CAVIN3: variants seen among roughly 807,000 people sequenced by gnomAD.
The protein encoded by CAVIN3 is caveolae-associated protein 3.
A neutral mutation model predicts 8.2 loss-of-function variants in CAVIN3; 11 were observed. The observed-to-expected ratio is 1.35, with a 90% CI of 0.85 to 2.23. The LOEUF (loss-of-function observed/expected upper bound fraction) is 2.23. CAVIN3 is among the 30% of genes most tolerant of loss of function. The pLI is 0.00. For synonymous variants in CAVIN3, 191 were observed against 166.3 expected (o/e 1.15, Z -1.14); for missense variants, 401 against 359.5 (o/e 1.12, Z -0.93).
intron 1 of CAVIN3, 138 bp from the exon 2 acceptor site, chr11:6,319,702 G>C (rs1314866349): frequency 2.6e-6 from 3 of 1,138,970 alleles, no homozygotes; most frequent in Non-Finnish European, 3.8e-6. Flanking sequence ...GGGAAGGTAA[G>C]GGGAGGGAAA....
intron 1 of CAVIN3, 113 bp downstream of exon 1, chr11:6,319,980 G>C (rs551064561): frequency 1.7e-6 from 2 of 1,165,694 alleles, no homozygotes; most frequent in East Asian, 2.6e-5. Flanking sequence ...GCAACAGACG[G>C]CGGGAGGGGT....
Position 6,320,104 on chromosome 11 carries a change from G to A in CAVIN3, c.373C>T (p.Leu125=). 1 of 1,590,308 alleles carries A rather than the reference G, an allele frequency of 6.3e-7. No individual in the cohort carries two copies. Among genetic ancestry groups the A allele is most frequent in the Non-Finnish European group, 8.5e-7 (1 of 1,176,448 alleles). ...LLVARGKLHV[L]LFKEEGEVPA... is the part of the protein sequence containing the mutation. ...TTGAGGTCACTGACCTTGAAGAGCA[G>A]AACGTGGAGCTTCCCGCGCGCCACC... is the stretch of plus-strand genomic sequence containing the variant. The change falls in exon 1 of 2, where the codon CTG becomes TTG. Residue 125 remains leucine (L), a synonymous_variant. Coordinates refer to ENST00000303927, the MANE Select transcript of CAVIN3 (RefSeq NM_145040.3).
At chr11:6,319,648 AC>A (rs767091423) in intron 1 of CAVIN3, 84 bp from the exon 2 acceptor site, 1 of 1,467,310 alleles carries the variant, frequency 6.8e-7, no homozygotes. Flanking sequence ...CACAAGGGAA[AC>A]CTTTTACCTC....
Position 6,319,385 on chromosome 11 carries a change from G to T in CAVIN3, c.564C>A (p.Ser188Arg). Residue 188 changes from serine to arginine, a missense_variant, in exon 2 of 2, where the codon AGC becomes AGA. Ser to Arg is a moderately radical substitution (Grantham distance 110). Coordinates refer to ENST00000303927, the MANE Select transcript of CAVIN3 (RefSeq NM_145040.3). ...TCCGGCCCGAAAGGGCCCTTCGGAG[G>T]CTCTGTACCTTCTGCAATCCGGTGC... ...LRRTGLQKVQSLRRALSGRKG... is the reference protein window; with the variant it reads ...LRRTGLQKVQRLRRALSGRKG... The T allele has an allele frequency of 6.2e-7, 1 of 1,608,902 alleles. No individual in the cohort carries two copies. Among genetic ancestry groups the T allele is most frequent in the Non-Finnish European group, 8.5e-7 (1 of 1,178,178 alleles).
intron 1 of CAVIN3, 75 bp from the exon 2 acceptor site, chr11:6,319,639 A>G (rs79889908): frequency 0.033 from 49,693 of 1,484,716 alleles, 975 homozygotes; most frequent in Non-Finnish European, 0.04. Flanking sequence ...CCTTAATTAC[A>G]CAAGGGAAAC....
chr11:6,319,981 C>A, intron 1 of CAVIN3, 112 bp downstream of exon 1: 1 of 1,169,460 alleles, frequency 8.6e-7, no homozygotes, highest in Non-Finnish European at 1.2e-6. Context: ...CAACAGACGG[C>A]GGGAGGGGTC....
Position 6,320,281 on chromosome 11 carries a change from C to T in CAVIN3, c.196G>A (p.Ala66Thr), listed in dbSNP as rs772263737. The change falls in exon 1 of 2, where the codon GCT (alanine) becomes ACT (threonine). Residue 66 changes from alanine to threonine, a missense_variant. Transcript: ENST00000303927. ...GTGGTGTCGTGGCTGCGACTCAGAG[C>T]GCCCAGGCCGCTCTGGATGCGGCGC... ...SVRRIQSGLG[A>T]LSRSHDTTSN... 4 of 1,565,344 alleles carry T rather than the reference C, an allele frequency of 2.6e-6. No individual in the cohort carries two copies. The highest frequency in any genetic ancestry group is 3.6e-5 in the Admixed American group (2 of 55,158).
Position 6,319,216 on chromosome 11 carries a change from CG to C in CAVIN3, c.732del (p.Arg246AspfsTer15). The C allele has an allele frequency of 6.4e-7, 1 of 1,563,336 alleles. No homozygotes were observed. The highest frequency in any genetic ancestry group is 8.6e-7 in the Non-Finnish European group (1 of 1,159,328). ...GCTTCTTCGGCAGCCCCAGGTCTCC[CG>C]GGATCTTCCTCGGTGTCCTGCGGAG... ...PEPPQDTEEDPGRPGAAEEAL... is the reference protein window; with the variant it reads ...PEPPQDTEEDXGRPGAAEEAL... On this transcript the variant is annotated frameshift_variant, in exon 2 of 2. Transcript: ENST00000303927. LOFTEE classifies it high-confidence loss of function.
In CAVIN3 at chr11:6,319,247, TGGCTCCAGCGTG is replaced by T. The variant is rs763059366; in HGVS notation, c.690_701del (p.Thr231_Pro234del). The T allele has an allele frequency of 7.5e-6, 12 of 1,600,972 alleles. No individual in the cohort carries two copies. In the South Asian group the frequency reaches 9.0e-5, roughly 12 times the overall value. ...CTTCCTCGGTGTCCTGCGGAGGCTC[TGGCTCCAGCGTG>T]GGCTCCAGCGCAGGCTGGGCTTCCG... On this transcript the variant is annotated inframe_deletion, in exon 2 of 2. Transcript: ENST00000303927.
intron 1 of CAVIN3, 71 bp downstream of exon 1, chr11:6,320,022 C>T (rs1157925597): frequency 3.4e-6 from 5 of 1,462,828 alleles, no homozygotes; most frequent in Middle Eastern, 3.7e-4. Flanking sequence ...TGGATGGAAG[C>T]GGGGAGCCCC....
chr11:6,319,090 G>C lies in CAVIN3; in HGVS notation c.*73C>G, dbSNP rs939920990. The C allele has an allele frequency of 1.4e-6, 2 of 1,448,576 alleles. No homozygotes were observed. The highest frequency in any genetic ancestry group is 4.8e-5 in the East Asian group (2 of 41,366). The allele number at this position is 1,448,576 out of a possible 1,614,324, so 89.7% of individuals were successfully genotyped here. On this transcript the variant is annotated 3_prime_UTR_variant, in exon 2 of 2. Transcript: ENST00000303927. ...TGTAGGATTCGCTCCTTATTAGGGCGTGAGTGCTACATTCTGAAAGGATTT... is the reference window on the plus strand; with the variant it reads ...TGTAGGATTCGCTCCTTATTAGGGCCTGAGTGCTACATTCTGAAAGGATTT...
chr11:6,320,412 GCGTGCACGGGACCCCCCGCCGGCGCCT>G lies in CAVIN3; in HGVS notation c.38_64del (p.Glu13_His21del), dbSNP rs1353517045. On this transcript the variant is annotated inframe_deletion, in exon 1 of 2. Coordinates refer to ENST00000303927, the MANE Select transcript of CAVIN3 (RefSeq NM_145040.3). ...CTCCAGCAGGGTCACCACCGTCACG[GCGTGCACGGGACCCCCCGCCGGCGCCT>G]CGGGCACAGGCCCCCGCTCCAACGC... is the stretch of plus-strand genomic sequence containing the variant. The G allele has an allele frequency of 1.3e-6, 2 of 1,567,300 alleles. No individual in the cohort carries two copies.
intron 1 of CAVIN3, 95 bp downstream of exon 1, chr11:6,319,998 G>T (rs1590695728): frequency 1.5e-6 from 2 of 1,317,618 alleles, no homozygotes; most frequent in East Asian, 2.5e-5. Context: ...GGTCAGGAAT[G>T]TGGGTGTGGT....
In CAVIN3 at chr11:6,320,231, C is replaced by T. The variant is rs1473827302; in HGVS notation, c.246G>A (p.Leu82=). Residue 82 remains leucine (L), a synonymous_variant, in exon 1 of 2, where the codon CTG becomes CTA. Transcript: ENST00000303927. The part of the protein sequence containing the change: ...DTTSNTLAQL[L]AKAERVSSHA... ...GCGAGCTCACGCGCTCCGCCTTGGC[C>T]AGCAGCTGCGCCAAGGTGTTGCTGG... is the stretch of plus-strand genomic sequence containing the variant. The T allele has an allele frequency of 3.2e-6, 5 of 1,564,056 alleles. No individual in the cohort carries two copies. The highest frequency in any genetic ancestry group is 4.3e-6 in the Non-Finnish European group (5 of 1,162,006).
rs2133935475 is a variant in CAVIN3, at chr11:6,320,077, G to A, written c.384+16C>T. The A allele has an allele frequency of 1.9e-6, 3 of 1,574,794 alleles. No homozygotes were observed. The East Asian group carries it at 6.8e-5, about 36-fold the overall frequency. ...CGGCAAAGGCCTCGGATTGGGGACC[G>A]TTTGAGGTCACTGACCTTGAAGAGC... On this transcript the variant is annotated intron_variant, in intron 1 of 1. Transcript: ENST00000303927.
At position 6,320,343 on chromosome 11, in the gene CAVIN3, C is replaced by A; in HGVS notation, c.134G>T (p.Gly45Val). 6.4e-7 allele frequency: 1 copy of A among 1,573,298 alleles called. No individual in the cohort carries two copies. The highest frequency in any genetic ancestry group is 8.6e-7 in the Non-Finnish European group (1 of 1,167,964). ...MLETLRERQGGLARRQGGLAG... is the reference protein window; with the variant it reads ...MLETLRERQGVLARRQGGLAG... ...CAGGCCTCCCTGCCTTCGAGCCAGG[C>A]CTCCCTGCCGCTCCCGCAGAGTCTC... Residue 45 changes from glycine to valine, a missense_variant, in exon 1 of 2, where the codon GGC becomes GTC. By Grantham distance (109) the Gly-to-Val change is moderately radical (BLOSUM62 -3). Transcript: ENST00000303927.
At chr11:6,320,035 G>A (rs7480832) in intron 1 of CAVIN3, 58 bp downstream of exon 1, 2 of 1,506,202 alleles carry the variant, frequency 1.3e-6, no homozygotes, top group Admixed American at 4.3e-5. Context: ...GGAGCCCCCA[G>A]CTGGTGGCCC....
Position 6,319,046 on chromosome 11 carries a change from G to T in CAVIN3, c.*117C>A. 9.1e-7 allele frequency: 1 copy of T among 1,096,630 alleles called. No homozygotes were observed. The highest frequency in any genetic ancestry group is 1.3e-6 in the Non-Finnish European group (1 of 783,070). 67.9% of individuals were successfully genotyped at this position (1,096,630 alleles called of 1,614,324 possible). ...ACTGGGCTTAAGGAAGGGAGGGCCAGAGCGCCCGCCTTGGTGGATGTAGGA... is the reference window on the plus strand; with the variant it reads ...ACTGGGCTTAAGGAAGGGAGGGCCATAGCGCCCGCCTTGGTGGATGTAGGA... On this transcript the variant is annotated 3_prime_UTR_variant, in exon 2 of 2. Coordinates refer to ENST00000303927, the MANE Select transcript of CAVIN3 (RefSeq NM_145040.3).
intron 1 of CAVIN3, 170 bp from the exon 2 acceptor site, chr11:6,319,734 G>C: frequency 1.2e-6 from 1 of 851,600 alleles, no homozygotes; most frequent in South Asian, 1.4e-5. Flanking sequence ...ACTGCAAAAC[G>C]CTGTAAAGTA....
Sources: allele counts gnomAD v4.1 joint callset, GRCh38; gene constraint gnomAD v4.1.1; transcripts MANE v1.5; gene names NCBI Gene and HGNC (gene_info 2026-07-23, HGNC 2026-07-21).